VPS4A: variants seen among roughly 807,000 people sequenced by gnomAD.
VPS4A encodes the protein vacuolar protein sorting 4 homolog A, also known as vacuolar protein sorting-associated protein 4A.
In VPS4A, 20 loss-of-function variants were observed where a neutral mutation model predicts 52.3. The ratio of observed to expected loss-of-function variants is 0.38; its 90% CI spans 0.27 to 0.56. The LOEUF (loss-of-function observed/expected upper bound fraction) is 0.56. Among genes scored for constraint, VPS4A ranks in the 20% least tolerant of loss-of-function variants. The pLI is 0.72. For synonymous variants in VPS4A, 293 were observed against 227.7 expected (o/e 1.29, Z -2.58); for missense variants, 419 against 575.9 (o/e 0.73, Z 2.79).
chr16:69,316,714 G>T (rs1207676064), intron 3 of VPS4A, among the ~76,000 whole-genome samples: 1 of 152,192 alleles, frequency 6.6e-6, no homozygotes, highest in African/African-American at 2.4e-5. Context: ...ACTCACCTCC[G>T]AGCGTTGCCA....
Position 69,322,673 on chromosome 16 carries a change from CAA to C in VPS4A, c.1187_1188del (p.Lys396ThrfsTer51). On this transcript the variant is annotated frameshift_variant, in exon 10 of 11. Coordinates refer to ENST00000254950, the MANE Select transcript of VPS4A (RefSeq NM_013245.3). LOFTEE classifies it high-confidence loss of function. ...TGACTTGGATGGATGTCCCTGGGGA[CAA>C]ACTCTTAGAGCCTGTGGTTTGCATG... ...EMTWMDVPGD[K>X]LLEPVVCMSD... 6.2e-7 allele frequency: 1 copy of C among 1,613,784 alleles called. No homozygotes were observed. Among genetic ancestry groups the C allele is most frequent in the Non-Finnish European group, 8.5e-7 (1 of 1,179,766 alleles).
intron 10 of VPS4A, chr16:69,323,629 T>C (rs900310717): frequency 1.3e-5 from 6 of 455,930 alleles, no homozygotes; most frequent in African/African-American, 1.2e-4. Context: ...GGTCTGCCCT[T>C]GTGGCTGGTG....
chr16:69,314,115 G>A (rs531087156), intron 1 of VPS4A, among the ~76,000 whole-genome samples: 4 of 150,976 alleles, frequency 2.6e-5, no homozygotes, highest in East Asian at 2.0e-4. Context: ...ACAGGCACGC[G>A]TCACCACACC....
In VPS4A at chr16:69,321,022, C is replaced by A; in HGVS notation, c.852-29C>A. On this transcript the variant is annotated intron_variant, in intron 8 of 10. Coordinates refer to ENST00000254950, the MANE Select transcript of VPS4A (RefSeq NM_013245.3). The surrounding 1 kb of genome is among the most constrained non-coding windows in gnomAD (Gnocchi z 4.5). ...TGAATACCATTCCATCATCCGCTGT[C>A]AACTCCTGCCGTGTGCTGGGCTCTC... 1 of 1,549,430 alleles carries A rather than the reference C, an allele frequency of 6.5e-7. No individual in the cohort carries two copies. Among genetic ancestry groups the A allele is most frequent in the South Asian group, 1.2e-5 (1 of 84,224 alleles).
At chr16:69,319,610 C>T (rs1965485260) in intron 6 of VPS4A, 67 bp downstream of exon 6, 1 of 1,548,434 alleles carries the variant, frequency 6.5e-7, no homozygotes, top group African/African-American at 1.4e-5. Flanking sequence ...GCGGCCCACC[C>T]TGTGGAGTCA....
At chr16:69,322,806 A>C in intron 10 of VPS4A, 106 bp downstream of exon 10, 2,525 of 1,390,716 alleles carry the variant, frequency 1.8e-3, no homozygotes, top group Non-Finnish European at 2.2e-3. Context: ...ATGGTAGCTC[A>C]CGCCTGTAAT....
Position 69,320,953 on chromosome 16 carries a change from T to A in VPS4A, c.852-98T>A. 7.4e-7 allele frequency: 1 copy of A among 1,342,552 alleles called. No individual in the cohort carries two copies. The highest frequency in any genetic ancestry group is 1.0e-6 in the Non-Finnish European group (1 of 966,376). The allele number at this position is 1,342,552 out of a possible 1,614,324, so 83.2% of individuals were successfully genotyped here. ...ATGTGCCGCCAGCATCACTGGCCCA[T>A]GAAATGCGTCCGTTTCACTCAAATC... On this transcript the variant is annotated intron_variant, in intron 8 of 10. Transcript: ENST00000254950. The surrounding 1 kb of genome is among the most constrained non-coding windows in gnomAD (Gnocchi z 4.2).
At chr16:69,322,736 C>G in intron 10 of VPS4A, 36 bp downstream of exon 10, 1 of 1,581,086 alleles carries the variant, frequency 6.3e-7, no homozygotes, top group Non-Finnish European at 8.6e-7. Flanking sequence ...GAGGGCTGCA[C>G]AGAGCCCAGA....
At chr16:69,315,575 T>TGGCCCTGA (rs1231732672) in intron 1 of VPS4A, among the ~76,000 whole-genome samples, 2 of 152,204 alleles carry the variant, frequency 1.3e-5, no homozygotes, top group African/African-American at 4.8e-5. Context: ...GGCTCTTCTC[T>TGGCCCTGA]GGCCCTGAGG....
chr16:69,321,174 G>A lies in VPS4A; in HGVS notation c.975G>A (p.Lys325=), dbSNP rs1240399065. Residue 325 remains lysine, a synonymous_variant, in exon 9 of 11, where the codon AAG becomes AAA. Coordinates refer to ENST00000254950, the MANE Select transcript of VPS4A (RefSeq NM_013245.3). The surrounding 1 kb of genome is among the most constrained non-coding windows in gnomAD (Gnocchi z 4.5). ...CAAACATCCACGAGCTGGCCCGGAA[G>A]ACGGAAGGCTACTCGGGCGCGGACA... ...TDANIHELAR[K]TEGYSGADIS... is the part of the protein sequence containing the mutation. The A allele has an allele frequency of 1.9e-6, 3 of 1,578,484 alleles. No homozygotes were observed. Among genetic ancestry groups the A allele is most frequent in the African/African-American group, 2.7e-5 (2 of 73,908 alleles).
chr16:69,323,943 C>CAAAAAAAAAAAAAAAA (rs143292768), intron 10 of VPS4A, among the ~76,000 whole-genome samples: 4 of 108,654 alleles, frequency 3.7e-5, no homozygotes, highest in African/African-American at 1.2e-4. Context: ...GACTCCGTCT[C>CAAAAAAAAAAAAAAAA]CAAAAAAAAA....
chr16:69,313,481 C>T (rs1965401297), intron 1 of VPS4A, among the ~76,000 whole-genome samples: 1 of 152,146 alleles, frequency 6.6e-6, no homozygotes. Flanking sequence ...CAGAGAAACC[C>T]ACTTTATATA....
At position 69,320,928 on chromosome 16, in the gene VPS4A, A is replaced by G; in HGVS notation, c.852-123A>G. On this transcript the variant is annotated intron_variant, in intron 8 of 10. Transcript: ENST00000254950. This position sits in a 1 kb window ranked among gnomAD's most constrained non-coding sequence, Gnocchi z 4.2. ...CCTTTGTGAGGCTGGCTTGTTGAGG[A>G]TGTGCCGCCAGCATCACTGGCCCAT... 8.1e-7 allele frequency: 1 copy of G among 1,232,574 alleles called. No homozygotes were observed. The highest frequency in any genetic ancestry group is 1.1e-6 in the Non-Finnish European group (1 of 872,052). 76.4% of individuals were successfully genotyped at this position (1,232,574 alleles called of 1,614,324 possible). A position where few individuals can be genotyped will look rare whatever the true frequency, so the allele number is the denominator to read the frequency against.
At chr16:69,316,691 G>T (rs936328607) in intron 3 of VPS4A, among the ~76,000 whole-genome samples, 4 of 152,206 alleles carry the variant, frequency 2.6e-5, no homozygotes, top group African/African-American at 9.7e-5. Flanking sequence ...CTTGGAAGTG[G>T]GGAGGTCGTG....
chr16:69,321,382 C>A lies in VPS4A; in HGVS notation c.1071+112C>A. The A allele has an allele frequency of 8.3e-7, 1 of 1,203,104 alleles. No individual in the cohort carries two copies. The highest frequency in any genetic ancestry group is 1.2e-6 in the Non-Finnish European group (1 of 863,424). 74.5% of individuals were successfully genotyped at this position (1,203,104 alleles called of 1,614,324 possible). A position where few individuals can be genotyped will look rare whatever the true frequency, so the allele number is the denominator to read the frequency against. On this transcript the variant is annotated intron_variant, in intron 9 of 10. Transcript: ENST00000254950. This position sits in a 1 kb window ranked among gnomAD's most constrained non-coding sequence, Gnocchi z 4.5. ...CCCGGCTGCTCAGGTGACACAGTCT[C>A]TGAGGCCTCCTGGAGAGCCGAGGGC...
At position 69,320,563 on chromosome 16, in the gene VPS4A, C is replaced by G. The variant is rs1965497816; in HGVS notation, c.770-125C>G. 1.1e-6 allele frequency: 1 copy of G among 894,190 alleles called. No individual in the cohort carries two copies. Among genetic ancestry groups the G allele is most frequent in the African/African-American group, 1.7e-5 (1 of 59,732 alleles). 55.4% of individuals were successfully genotyped at this position (894,190 alleles called of 1,614,324 possible). A position where few individuals can be genotyped will look rare whatever the true frequency, so the allele number is the denominator to read the frequency against. The stretch of plus-strand genomic sequence containing the variant: ...GGTTTAATCTCACTTGGGACCCTGC[C>G]AGTGGTGGGTGGCACAGGGATGGCT... On this transcript the variant is annotated intron_variant, in intron 7 of 10. Coordinates refer to ENST00000254950, the MANE Select transcript of VPS4A (RefSeq NM_013245.3). The surrounding 1 kb of genome is among the most constrained non-coding windows in gnomAD (Gnocchi z 4.2).
intron 3 of VPS4A, among the ~76,000 whole-genome samples, chr16:69,318,102 A>C (rs1048799640): frequency 6.6e-6 from 1 of 151,348 alleles, no homozygotes; most frequent in Non-Finnish European, 1.5e-5. Context: ...CTGCCTCCCA[A>C]GTAGCTGGCA....
chr16:69,320,375 T>C lies in VPS4A; in HGVS notation c.769+86T>C. The C allele has an allele frequency of 1.9e-6, 3 of 1,554,762 alleles. No individual in the cohort carries two copies. In the South Asian group the frequency reaches 3.6e-5, roughly 19 times the overall value. On this transcript the variant is annotated intron_variant, in intron 7 of 10. Coordinates refer to ENST00000254950, the MANE Select transcript of VPS4A (RefSeq NM_013245.3). This position sits in a 1 kb window ranked among gnomAD's most constrained non-coding sequence, Gnocchi z 4.2. ...TATTCTGAGCTGCGGCTGGATTTGG[T>C]TGTTCTCAGCCTCGGAGAGGCACTC...
In VPS4A at chr16:69,326,847, C is replaced by T. The variant is rs781384149; in HGVS notation, c.*2538C>T. ...TTCTAAAACTCTGATGAGCTCACAACGTTGACATGTATATGCGTTTTTTGT... is the reference window on the plus strand; with the variant it reads ...TTCTAAAACTCTGATGAGCTCACAATGTTGACATGTATATGCGTTTTTTGT... On this transcript the variant is annotated 3_prime_UTR_variant, in exon 11 of 11. Transcript: ENST00000254950. The T allele has an allele frequency of 3.9e-5, 6 of 152,172 alleles. No homozygotes were observed. Among genetic ancestry groups the T allele is most frequent in the Admixed American group, 6.5e-5 (1 of 15,276 alleles). 9.4% of individuals were successfully genotyped at this position (152,172 alleles called of 1,614,324 possible). A position where few individuals can be genotyped will look rare whatever the true frequency, so the allele number is the denominator to read the frequency against.
Sources: gnomAD v4.1 joint callset for allele counts (sites outside exome capture counted in the v4.1 genomes callset) on GRCh38, gnomAD v4.1.1 for gene constraint, Gnocchi (gnomAD v3.1) non-coding constraint, MANE v1.5 for transcripts, NCBI Gene and HGNC (gene_info 2026-07-23, HGNC 2026-07-21) for gene names.